Variants in ARFGEF2 observed in about 807,000 individuals in gnomAD.
The protein encoded by ARFGEF2 is ARF guanine nucleotide exchange factor 2.
Under a neutral mutation model 219.9 loss-of-function variants are expected in ARFGEF2, and 74 were observed. That is an observed-to-expected ratio of 0.34 (90% CI 0.28 to 0.41). ARFGEF2 has a LOEUF of 0.41. ARFGEF2 is among the 10% of genes least tolerant of loss of function. ARFGEF2 has a pLI of 1.00. For missense variants in ARFGEF2, 1,743 were observed against 2,218.3 expected (o/e 0.79, Z 4.30); for synonymous variants, 733 against 799.2 (o/e 0.92, Z 1.40).
intron 37 of ARFGEF2, among the ~76,000 whole-genome samples, chr20:49,029,509 T>C (rs2091621119): frequency 6.6e-6 from 1 of 152,092 alleles, no homozygotes; most frequent in South Asian, 2.1e-4. Flanking sequence ...GGAGAAAAAA[T>C]TTTAAGCAGC....
chr20:49,027,833 A>G (rs1015045867), intron 36 of ARFGEF2, among the ~76,000 whole-genome samples: 1 of 152,224 alleles, frequency 6.6e-6, no homozygotes, highest in South Asian at 2.1e-4. Flanking sequence ...AAGAATATAT[A>G]TAAAATGTTT....
intron 11 of ARFGEF2, among the ~76,000 whole-genome samples, chr20:48,972,628 A>G (rs1409544884): frequency 6.6e-6 from 1 of 152,208 alleles, no homozygotes; most frequent in African/African-American, 2.4e-5. Flanking sequence ...TGGTTTTAGC[A>G]CTAAAAGTCT....
chr20:48,989,228 G>T, intron 18 of ARFGEF2, 57 bp from the exon 19 acceptor site: 1 of 1,591,642 alleles, frequency 6.3e-7, no homozygotes, highest in African/African-American at 1.3e-5. Context: ...ACAGTGTATG[G>T]CATGTAGCCA....
Position 49,011,008 on chromosome 20 carries a change from G to A in ARFGEF2, c.3757+604G>A, listed in dbSNP as rs2091494408. On this transcript the variant is annotated intron_variant, in intron 27 of 38. Coordinates refer to ENST00000371917, the MANE Select transcript of ARFGEF2 (RefSeq NM_006420.3). ...TTTTACATTTTCGTGCTTTTTGTTG[G>A]TGATTTCACTGTTTAAAATGCCCCC... 2.0e-5 allele frequency among the ~76,000 whole-genome samples: 3 copies of A among 152,104 alleles called. No individual in the cohort carries two copies. In the South Asian group the frequency reaches 6.2e-4, roughly 32 times the overall value.
chr20:48,937,247 C>T (rs1469534553), intron 1 of ARFGEF2, among the ~76,000 whole-genome samples: 2 of 152,198 alleles, frequency 1.3e-5, no homozygotes, highest in Non-Finnish European at 2.9e-5. Context: ...TCCTCTTTAT[C>T]CTCACAGCAG....
At chr20:48,942,231 A>G (rs1175205184) in intron 3 of ARFGEF2, among the ~76,000 whole-genome samples, 1 of 152,152 alleles carries the variant, frequency 6.6e-6, no homozygotes, top group Non-Finnish European at 1.5e-5. Flanking sequence ...TGTCTTGTGT[A>G]TGTTTTTCTA....
intron 1 of ARFGEF2, among the ~76,000 whole-genome samples, chr20:48,933,451 A>G (rs1368390961): frequency 2.6e-5 from 4 of 151,958 alleles, no homozygotes; most frequent in Non-Finnish European, 5.9e-5. Context: ...TTAATGGATG[A>G]TTAGAGTGTT....
chr20:48,990,886 A>G (rs1484238538), intron 20 of ARFGEF2, among the ~76,000 whole-genome samples, 154 bp from the exon 21 acceptor site: 2 of 152,218 alleles, frequency 1.3e-5, no homozygotes. Context: ...GCAAGAGGGC[A>G]TTAGCATGGA....
chr20:48,948,634 G>C (rs2091044773), intron 3 of ARFGEF2, among the ~76,000 whole-genome samples: 2 of 152,226 alleles, frequency 1.3e-5, no homozygotes, highest in African/African-American at 4.8e-5. Context: ...CAGAGGTACA[G>C]TATGTCCTAT....
chr20:48,948,233 A>G (rs1157536653), intron 3 of ARFGEF2, among the ~76,000 whole-genome samples: 1 of 151,866 alleles, frequency 6.6e-6, no homozygotes, highest in Non-Finnish European at 1.5e-5. Flanking sequence ...TTTTTTTTTC[A>G]ATAAGTGATA....
chr20:48,956,821 C>G (rs2091108686), intron 6 of ARFGEF2, among the ~76,000 whole-genome samples: 1 of 152,192 alleles, frequency 6.6e-6, no homozygotes, highest in Admixed American at 6.5e-5. Context: ...CTCAGGTGAT[C>G]CACCCGTCTC....
At chr20:48,934,119 CAAAAAAAAAAA>C (rs11476863) in intron 1 of ARFGEF2, among the ~76,000 whole-genome samples, 3 of 56,134 alleles carry the variant, frequency 5.3e-5, no homozygotes, top group Non-Finnish European at 3.2e-5. Context: ...GACTTCATCT[CAAAAAAAAAAA>C]AAAAAAAAAA....
At chr20:48,936,681 C>T (rs571637190) in intron 1 of ARFGEF2, among the ~76,000 whole-genome samples, 4 of 152,266 alleles carry the variant, frequency 2.6e-5, no homozygotes, top group Admixed American at 6.5e-5. Flanking sequence ...TGCACCACCA[C>T]GCCCAGCTAA....
Position 48,969,295 on chromosome 20 carries a change from C to A in ARFGEF2, c.1190+18C>A. 6.2e-7 allele frequency: 1 copy of A among 1,614,096 alleles called. No homozygotes were observed. The highest frequency in any genetic ancestry group is 8.5e-7 in the Non-Finnish European group (1 of 1,179,952). ...GACCCAAAGTAAGCAGACAGCAGTT[C>A]TTGGCCACCTTCAGTCCAATGATCC... On this transcript the variant is annotated intron_variant, in intron 9 of 38. Transcript: ENST00000371917.
At chr20:49,026,998 A>C (rs1210923487) in intron 36 of ARFGEF2, among the ~76,000 whole-genome samples, 1 of 152,156 alleles carries the variant, frequency 6.6e-6, no homozygotes, top group Non-Finnish European at 1.5e-5. Context: ...GCCTGTAATA[A>C]GATTTTGTTT....
chr20:49,018,900 G>A lies in ARFGEF2; in HGVS notation c.4526G>A (p.Arg1509His), dbSNP rs774033935. ...SEKHLDVDLDRQSLSSIDKNP... is the reference protein window; with the variant it reads ...SEKHLDVDLDHQSLSSIDKNP... ...TACATTTAGGATGTGGATCTGGACCGCCAGTCTTTAAGCAGCATAGATAAA... is the reference window on the plus strand; with the variant it reads ...TACATTTAGGATGTGGATCTGGACCACCAGTCTTTAAGCAGCATAGATAAA... The change falls in exon 34 of 39, where the codon CGC (arginine) becomes CAC (histidine). Residue 1509 changes from arginine to histidine, a missense_variant. Physicochemically the swap from Arg to His is conservative, Grantham distance 29 (BLOSUM62 0). Transcript: ENST00000371917. The A allele has an allele frequency of 2.2e-5, 35 of 1,613,520 alleles. No individual in the cohort carries two copies. The highest frequency in any genetic ancestry group is 2.7e-5 in the African/African-American group (2 of 74,892).
At position 48,965,958 on chromosome 20, in the gene ARFGEF2, G is replaced by A; in HGVS notation, c.994G>A (p.Asp332Asn). 6.2e-7 allele frequency: 1 copy of A among 1,614,194 alleles called. No homozygotes were observed. The highest frequency in any genetic ancestry group is 8.5e-7 in the Non-Finnish European group (1 of 1,180,016). Reference sequence around the variant, plus strand: ...GGAATGTGCTATTCCCCCAGGAGTTGATGAAAACTCACAGACCAACGGGAT... The same window carrying A: ...GGAATGTGCTATTCCCCCAGGAGTTAATGAAAACTCACAGACCAACGGGAT... The part of the protein sequence containing the change: ...CQECAIPPGV[D>N]ENSQTNGIAD... The change falls in exon 8 of 39, where the codon GAT becomes AAT. Residue 332 changes from aspartate to asparagine, a missense_variant. Coordinates refer to ENST00000371917, the MANE Select transcript of ARFGEF2 (RefSeq NM_006420.3).
At chr20:48,936,281 G>A (rs1413251591) in intron 1 of ARFGEF2, among the ~76,000 whole-genome samples, 3 of 147,172 alleles carry the variant, frequency 2.0e-5, no homozygotes, top group African/African-American at 7.5e-5. Flanking sequence ...GGACGGGGCG[G>A]CTGGCCAGGC....
intron 25 of ARFGEF2, among the ~76,000 whole-genome samples, chr20:49,002,130 C>T (rs1393553819): frequency 1.3e-5 from 2 of 151,996 alleles, no homozygotes; most frequent in Non-Finnish European, 2.9e-5. Flanking sequence ...CCCAGCTACA[C>T]GGGAGGCTGA....
Sources: gnomAD v4.1 joint callset for allele counts (sites outside exome capture counted in the v4.1 genomes callset) on GRCh38, gnomAD v4.1.1 for gene constraint, MANE v1.5 for transcripts, NCBI Gene and HGNC (gene_info 2026-07-23, HGNC 2026-07-21) for gene names.